The following PTPRU variants were observed in gnomAD, a reference collection of about 807,000 sequenced individuals.
PTPRU encodes the protein protein tyrosine phosphatase receptor type U, also known as receptor-type tyrosine-protein phosphatase U.
PTPRU carries 69 observed loss-of-function variants against 166.3 expected under a neutral mutation model. The observed-to-expected ratio is 0.41, with a 90% CI of 0.34 to 0.51. The LOEUF (loss-of-function observed/expected upper bound fraction) is 0.51, where lower values mean the gene tolerates loss of function less well. Ranked by LOEUF, PTPRU falls within the 20% of genes least tolerant of loss-of-function variation. PTPRU has a pLI of 0.09. For missense variants in PTPRU, 1,657 were observed against 2,013.7 expected, an observed-to-expected ratio of 0.82 and a Z score of 3.39; for synonymous variants, 793 against 814.0, an observed-to-expected ratio of 0.97 and a Z score of 0.44.
chr1:29,305,649 G>A, intron 18 of PTPRU: 1 of 735,314 alleles, frequency 1.4e-6, no homozygotes, highest in South Asian at 1.4e-5. Flanking sequence ...TGAGAGATGA[G>A]GTGCTTTAGA....
At chr1:29,310,581 TG>T (rs528839901) in intron 18 of PTPRU, among the ~76,000 whole-genome samples, 162 bp from the exon 19 acceptor site, 1 of 151,852 alleles carries the variant, frequency 6.6e-6, no homozygotes, top group Non-Finnish European at 1.5e-5. Flanking sequence ...CTTGGGGACC[TG>T]GGGGGATGCA....
At chr1:29,308,896 G>A (rs1687524552) in intron 18 of PTPRU, among the ~76,000 whole-genome samples, 1 of 152,030 alleles carries the variant, frequency 6.6e-6, no homozygotes, top group East Asian at 1.9e-4. Context: ...GGATGTAGTG[G>A]CCTGTGCCTG....
At chr1:29,244,734 G>A (rs1307860114) in intron 1 of PTPRU, among the ~76,000 whole-genome samples, 2 of 152,094 alleles carry the variant, frequency 1.3e-5, no homozygotes, top group African/African-American at 4.8e-5. Context: ...TCTCATTTGT[G>A]GAATGGGGAT....
At chr1:29,293,257 C>T (rs1686726311) in intron 15 of PTPRU, among the ~76,000 whole-genome samples, 4 of 152,116 alleles carry the variant, frequency 2.6e-5, no homozygotes, top group Admixed American at 2.6e-4. Context: ...GGATTACAGG[C>T]GTGAGCCACC....
chr1:29,274,070 G>A (rs997012576), intron 7 of PTPRU, among the ~76,000 whole-genome samples: 1 of 152,044 alleles, frequency 6.6e-6, no homozygotes, highest in Non-Finnish European at 1.5e-5. Flanking sequence ...TCGCTCTGTT[G>A]CCCAGGCTAG....
intron 7 of PTPRU, 126 bp downstream of exon 7, chr1:29,261,029 C>T: frequency 8.9e-7 from 1 of 1,118,794 alleles, no homozygotes; most frequent in Non-Finnish European, 1.2e-6. Flanking sequence ...TTCCTCAACC[C>T]TTGTTATGGT....
intron 2 of PTPRU, 72 bp downstream of exon 2, chr1:29,255,478 C>A: frequency 3.8e-6 from 6 of 1,583,982 alleles, no homozygotes; most frequent in Non-Finnish European, 5.2e-6. Context: ...TGCTGTGTGA[C>A]CTTGGGCACA....
intron 1 of PTPRU, among the ~76,000 whole-genome samples, chr1:29,239,514 T>C: frequency 6.6e-6 from 1 of 152,130 alleles, no homozygotes; most frequent in East Asian, 1.9e-4. Flanking sequence ...GCTGAGCTCC[T>C]GGACAGCCTG....
At chr1:29,284,021 A>G in intron 13 of PTPRU, 45 bp downstream of exon 13, 1 of 1,609,586 alleles carries the variant, frequency 6.2e-7, no homozygotes, top group East Asian at 2.2e-5. Flanking sequence ...CAGGTTTCTC[A>G]CCTGCCCAGC....
At chr1:29,240,776 T>G (rs2151937597) in intron 1 of PTPRU, among the ~76,000 whole-genome samples, 1 of 147,594 alleles carries the variant, frequency 6.8e-6, no homozygotes, top group African/African-American at 2.5e-5. Flanking sequence ...ACGGTCTGTG[T>G]GAGTGGCTGG....
At chr1:29,269,246 AT>A (rs1175870568) in intron 7 of PTPRU, among the ~76,000 whole-genome samples, 815 of 19,584 alleles carry the variant, frequency 0.042, 1 homozygote, top group Non-Finnish European at 0.064. Context: ...ATATATATAT[AT>A]TTTTTTTTTT....
At position 29,257,652 on chromosome 1, in the gene PTPRU, T is replaced by A. The variant is rs907267094; in HGVS notation, c.206-853T>A. Among the ~76,000 whole-genome samples the A allele has an allele frequency of 6.6e-6, 1 of 152,218 alleles. No homozygotes were observed. The highest frequency in any genetic ancestry group is 2.4e-5 in the African/African-American group (1 of 41,460). On this transcript the variant is annotated intron_variant, in intron 2 of 29. Transcript: ENST00000373779. The surrounding 1 kb of genome is among the most constrained non-coding windows in gnomAD (Gnocchi z 4.6). ...GGAATTTAGACTCAGGGATGGGGGC[T>A]GGAAGGGAAGTTGGAATCCTTTCAT...
chr1:29,267,834 G>T (rs976030695), intron 7 of PTPRU, among the ~76,000 whole-genome samples: 1 of 152,198 alleles, frequency 6.6e-6, no homozygotes, highest in Admixed American at 6.5e-5. Flanking sequence ...CAAAGGTGCC[G>T]CAGAGACCAG....
intron 26 of PTPRU, among the ~76,000 whole-genome samples, chr1:29,321,623 CTGTT>C (rs1688164974): frequency 6.6e-6 from 1 of 152,228 alleles, no homozygotes; most frequent in Non-Finnish European, 1.5e-5. Context: ...TACTTTCTGA[CTGTT>C]TGATCTAGGG....
intron 14 of PTPRU, among the ~76,000 whole-genome samples, chr1:29,290,666 G>A (rs115290206): frequency 1.1e-4 from 16 of 152,216 alleles, no homozygotes; most frequent in African/African-American, 2.9e-4. Context: ...AACACCCAGC[G>A]ACTCGCGCTG....
chr1:29,284,910 C>T (rs1686273265), intron 14 of PTPRU, 41 bp downstream of exon 14: 1 of 1,567,536 alleles, frequency 6.4e-7, no homozygotes, highest in Non-Finnish European at 8.7e-7. Flanking sequence ...TGGCTTCTAC[C>T]CCTTAGAGGC....
intron 11 of PTPRU, among the ~76,000 whole-genome samples, chr1:29,282,203 C>T (rs1686109695): frequency 1.3e-5 from 2 of 152,146 alleles, no homozygotes; most frequent in South Asian, 4.1e-4. Flanking sequence ...GCTCAGTCAT[C>T]TCTTTCTGAA....
chr1:29,268,419 T>C (rs1685397041), intron 7 of PTPRU, among the ~76,000 whole-genome samples: 1 of 152,180 alleles, frequency 6.6e-6, no homozygotes, highest in Non-Finnish European at 1.5e-5. Context: ...GTTACTGGCA[T>C]CTAAAGGGAT....
chr1:29,305,267 T>C (rs771249793), intron 17 of PTPRU, 85 bp from the exon 18 acceptor site: 8 of 1,339,286 alleles, frequency 6.0e-6, no homozygotes, highest in Non-Finnish European at 8.5e-6. Context: ...CTGTGCCCTA[T>C]CCCCTAGCCT....
Sources: gnomAD v4.1 joint callset for allele counts (sites outside exome capture counted in the v4.1 genomes callset) on GRCh38, gnomAD v4.1.1 for gene constraint, Gnocchi (gnomAD v3.1) non-coding constraint, MANE v1.5 for transcripts, NCBI Gene and HGNC (gene_info 2026-07-23, HGNC 2026-07-21) for gene names.